Variants in CADM2 observed in about 807,000 individuals in gnomAD.
CADM2 encodes the protein cell adhesion molecule 2.
A neutral mutation model predicts 49.8 loss-of-function variants in CADM2; 12 were observed. That is an observed-to-expected ratio of 0.24 (90% CI 0.15 to 0.39). CADM2 has a LOEUF of 0.39. Ranked by LOEUF, CADM2 falls within the 10% of genes least tolerant of loss-of-function variation. The pLI, the probability that CADM2 is intolerant of heterozygous loss-of-function variation, is 1.00. For missense variants in CADM2, 378 were observed against 492.3 expected (o/e 0.77, Z 2.20); for synonymous variants, 214 against 175.4 (o/e 1.22, Z -1.74).
At chr3:85,222,338 C>T (rs1054325623) in intron 1 of CADM2, among the ~76,000 whole-genome samples, 1 of 152,150 alleles carries the variant, frequency 6.6e-6, no homozygotes, top group Non-Finnish European at 1.5e-5. Context: ...TATTAAGACA[C>T]ATTCATTGTT....
chr3:85,997,218 AAC>A (rs1234426175), intron 8 of CADM2, among the ~76,000 whole-genome samples: 4 of 152,244 alleles, frequency 2.6e-5, no homozygotes. Context: ...CCAAAAAAGT[AAC>A]ACAAACATAA....
At chr3:85,496,805 A>AT (rs2039922375) in intron 1 of CADM2, among the ~76,000 whole-genome samples, 1 of 151,882 alleles carries the variant, frequency 6.6e-6, no homozygotes, top group African/African-American at 2.4e-5. Context: ...GGTGTTGAGC[A>AT]TTTTTTCATA....
chr3:86,040,658 G>T (rs1317713139), intron 8 of CADM2, among the ~76,000 whole-genome samples: 1 of 152,156 alleles, frequency 6.6e-6, no homozygotes, highest in Non-Finnish European at 1.5e-5. Flanking sequence ...AAAACACTCT[G>T]CAGGATATTA....
At chr3:85,271,510 C>T (rs190322752) in intron 1 of CADM2, among the ~76,000 whole-genome samples, 9 of 151,158 alleles carry the variant, frequency 6.0e-5, no homozygotes, top group East Asian at 3.9e-4. Flanking sequence ...CTATTTTCTT[C>T]GTGTTATAGA....
rs71859231 is a variant in CADM2 at position 85,192,599 on chromosome 3, C to CATAT, written c.61+232947_61+232950dup. Among the ~76,000 whole-genome samples the CATAT allele has an allele frequency of 1.7e-3, 247 of 146,782 alleles. 1 individual carries two copies. Among genetic ancestry groups the CATAT allele is most frequent in the African/African-American group, 5.9e-3 (237 of 40,164 alleles). ...ATATACACACACATATATATGAATT[C>CATAT]ATATATATATATATATATAAAGTTT... On this transcript the variant is annotated intron_variant, in intron 1 of 9. Coordinates refer to ENST00000383699, the MANE Select transcript of CADM2 (RefSeq NM_001167675.2).
At chr3:85,503,140 C>T (rs1473221096) in intron 1 of CADM2, among the ~76,000 whole-genome samples, 2 of 151,870 alleles carry the variant, frequency 1.3e-5, no homozygotes, top group South Asian at 2.1e-4. Context: ...GAAGAAATGA[C>T]AATTCAGAAA....
chr3:85,292,827 A>G (rs557107134), intron 1 of CADM2, among the ~76,000 whole-genome samples: 1 of 152,328 alleles, frequency 6.6e-6, no homozygotes, highest in Admixed American at 6.5e-5. Flanking sequence ...AATGCCCACA[A>G]GAGAAAGCAG....
At chr3:85,896,594 A>T (rs1321295368) in intron 5 of CADM2, among the ~76,000 whole-genome samples, 1 of 152,180 alleles carries the variant, frequency 6.6e-6, no homozygotes, top group African/African-American at 2.4e-5. Context: ...GTTTGCCAGG[A>T]TCTAATGGTA....
intron 1 of CADM2, among the ~76,000 whole-genome samples, chr3:85,458,283 GC>G (rs2038086613): frequency 6.6e-6 from 1 of 152,060 alleles, no homozygotes; most frequent in Admixed American, 6.6e-5. Context: ...ACCATGCCCT[GC>G]ACATAACAGG....
At chr3:85,925,737 G>C (rs186735603) in intron 6 of CADM2, among the ~76,000 whole-genome samples, 1 of 152,298 alleles carries the variant, frequency 6.6e-6, no homozygotes, top group East Asian at 1.9e-4. Context: ...GCAATGATGT[G>C]AGAGAACATA....
At chr3:85,492,838 G>A (rs1181702257) in intron 1 of CADM2, among the ~76,000 whole-genome samples, 2 of 152,080 alleles carry the variant, frequency 1.3e-5, no homozygotes, top group East Asian at 1.9e-4. Context: ...CAATAAAGGT[G>A]TCATCTGAGC....
rs1732008939 is a variant in CADM2, at chr3:86,014,842, C to A, written c.971-50763C>A. On this transcript the variant is annotated intron_variant, in intron 8 of 9. Transcript: ENST00000383699. ...ACCATCTATGAAGCCCTCCACCTGC[C>A]TGACATCAAGTTTTTTCCTAATGTG... 3.3e-6 allele frequency: 5 copies of A among 1,513,368 alleles called. No homozygotes were observed. The East Asian group carries it at 1.1e-4, about 35-fold the overall frequency. 93.7% of individuals were successfully genotyped at this position (1,513,368 alleles called of 1,614,324 possible).
intron 3 of CADM2, among the ~76,000 whole-genome samples, chr3:85,845,155 C>CAAAAAAAAAAAAAA (rs71112121): frequency 1.1e-5 from 1 of 88,102 alleles, no homozygotes; most frequent in Non-Finnish European, 2.5e-5. Context: ...GACTTAGTCA[C>CAAAAAAAAAAAAAA]AAAAAAAAAA....
chr3:85,073,969 A>T (rs1370016070), intron 1 of CADM2, among the ~76,000 whole-genome samples: 1 of 152,186 alleles, frequency 6.6e-6, no homozygotes, highest in East Asian at 1.9e-4. Flanking sequence ...TATTATTATG[A>T]CAAAAGTGGT....
chr3:85,200,610 G>C (rs2107744834), intron 1 of CADM2, among the ~76,000 whole-genome samples: 1 of 152,178 alleles, frequency 6.6e-6, no homozygotes, highest in Non-Finnish European at 1.5e-5. Flanking sequence ...CAAATATGCG[G>C]ATTGCTGGAA....
At chr3:85,960,498 G>A (rs1217709435) in intron 7 of CADM2, among the ~76,000 whole-genome samples, 1 of 151,670 alleles carries the variant, frequency 6.6e-6, no homozygotes, top group Non-Finnish European at 1.5e-5. Flanking sequence ...GGAAGACCAG[G>A]GTTTGAATAC....
chr3:85,985,774 T>A (rs1392284395), intron 8 of CADM2, among the ~76,000 whole-genome samples: 6 of 149,908 alleles, frequency 4.0e-5, no homozygotes, highest in Admixed American at 4.0e-4. Context: ...ACCATCTTAG[T>A]GACTTGTAAA....
chr3:84,980,656 T>C (rs140161453), intron 1 of CADM2, among the ~76,000 whole-genome samples: 33 of 152,330 alleles, frequency 2.2e-4, no homozygotes, highest in African/African-American at 7.0e-4. Flanking sequence ...TGGTGTGATT[T>C]TGAAATCTAA....
chr3:85,369,352 GC>G (rs1419677328), intron 1 of CADM2, among the ~76,000 whole-genome samples: 1 of 152,156 alleles, frequency 6.6e-6, no homozygotes, highest in Non-Finnish European at 1.5e-5. Context: ...TTATAATGAG[GC>G]CCGGTGCAGT....
Sources: allele counts gnomAD v4.1 joint callset (sites outside exome capture counted in the v4.1 genomes callset), GRCh38; gene constraint gnomAD v4.1.1; transcripts MANE v1.5; gene names NCBI Gene and HGNC (gene_info 2026-07-23, HGNC 2026-07-21).